The following KCTD1 variants were observed in gnomAD, a reference collection of about 807,000 sequenced individuals.
KCTD1 encodes the protein potassium channel tetramerization domain containing 1, also known as BTB/POZ domain-containing protein KCTD1.
A neutral mutation model predicts 66.0 loss-of-function variants in KCTD1; 24 were observed. That is an observed-to-expected ratio of 0.36 (90% CI 0.26 to 0.51). The LOEUF is 0.51. Among genes scored for constraint, KCTD1 ranks in the 20% least tolerant of loss-of-function variants. The pLI is 0.95. For synonymous variants in KCTD1, 511 were observed against 517.2 expected (o/e 0.99, Z 0.16); for missense variants, 943 against 1,205.2 (o/e 0.78, Z 3.22).
intron 1 of KCTD1, among the ~76,000 whole-genome samples, chr18:26,508,988 C>T (rs935283374): frequency 1.5e-4 from 23 of 152,142 alleles, no homozygotes; most frequent in African/African-American, 5.1e-4. Flanking sequence ...GTCTCTCAAC[C>T]ATAACATCAA....
At chr18:26,552,498 T>A (rs1985598103), upstream of KCTD1, among the ~76,000 whole-genome samples, 1 of 152,170 alleles carries the variant, frequency 6.6e-6, no homozygotes, top group Non-Finnish European at 1.5e-5. Context: ...TTGTGAAAAA[T>A]TAAAAATAAC....
intron 1 of KCTD1, among the ~76,000 whole-genome samples, chr18:26,593,631 T>G (rs376819591): frequency 0.037 from 1,054 of 28,108 alleles, 11 homozygotes; most frequent in Middle Eastern, 0.048. Flanking sequence ...AGGAGGAAGA[T>G]GAGGAGGAAG....
At chr18:26,509,606 A>G (rs117730523) in intron 1 of KCTD1, among the ~76,000 whole-genome samples, 1 of 152,284 alleles carries the variant, frequency 6.6e-6, no homozygotes, top group Non-Finnish European at 1.5e-5. Flanking sequence ...CGCTAAAATC[A>G]TCTAAAATTA....
At chr18:26,478,384 T>C (rs892182086) in intron 2 of KCTD1, among the ~76,000 whole-genome samples, 4 of 152,314 alleles carry the variant, frequency 2.6e-5, no homozygotes, top group East Asian at 1.9e-4. Context: ...CTTACAACGA[T>C]TGGAATGAAA....
chr18:26,626,027 G>C (rs887379299), intron 1 of KCTD1, among the ~76,000 whole-genome samples: 4 of 152,054 alleles, frequency 2.6e-5, no homozygotes, highest in Non-Finnish European at 5.9e-5. Flanking sequence ...GTGAAGCCTG[G>C]AACTGCTCTG....
intron 3 of KCTD1, 24 bp from the exon 4 acceptor site, chr18:26,459,949 C>T (rs1191684021): frequency 1.3e-6 from 2 of 1,519,630 alleles, no homozygotes; most frequent in South Asian, 2.6e-5. Flanking sequence ...AGGTATTTCA[C>T]AGTGCAAACT....
chr18:26,644,699 C>G (rs147475872), upstream of KCTD1, among the ~76,000 whole-genome samples: 1 of 150,632 alleles, frequency 6.6e-6, no homozygotes, highest in Non-Finnish European at 1.5e-5. Context: ...TGGAGGTTGC[C>G]GTGAGCTGAG....
chr18:26,465,329 T>C (rs1392342162), intron 3 of KCTD1, among the ~76,000 whole-genome samples: 3 of 152,102 alleles, frequency 2.0e-5, no homozygotes, highest in African/African-American at 7.2e-5. Flanking sequence ...GGTGATCTGC[T>C]CACCTCAGCC....
intron 1 of KCTD1, among the ~76,000 whole-genome samples, chr18:26,650,686 C>T (rs1418400923): frequency 6.6e-6 from 1 of 152,162 alleles, no homozygotes; most frequent in African/African-American, 2.4e-5. Flanking sequence ...GGATCAGTAC[C>T]ATGGACCAAT....
chr18:26,459,833 A>G lies in KCTD1; in HGVS notation c.2226T>C (p.Gly742=), dbSNP rs770368527. ...MERWKQDRET[G]RFSRPCECLV... is the part of the protein sequence containing the mutation. ...GGCACTCACAGGGCCTTGAAAATCG[A>G]CCAGTTTCTCTGTCCTGCTTCCATC... is the stretch of plus-strand genomic sequence containing the variant. Residue 742 remains glycine, a synonymous_variant, in exon 4 of 5, where the codon GGT becomes GGC. Coordinates refer to ENST00000580059, the MANE Select transcript of KCTD1 (RefSeq NM_001142730.3). 6.2e-7 allele frequency: 1 copy of G among 1,614,066 alleles called. No homozygotes were observed. The highest frequency in any genetic ancestry group is 8.5e-7 in the Non-Finnish European group (1 of 1,180,002).
In KCTD1 at chr18:26,479,427, G is replaced by T. The variant is rs1981517213; in HGVS notation, c.1989-2768C>A. Reference sequence around the variant, plus strand: ...GGTGAAACCGCAGACCCCCCGCCAGGCCGTGGGAACGCTGGCGGCCAGCTC... The same window carrying T: ...GGTGAAACCGCAGACCCCCCGCCAGTCCGTGGGAACGCTGGCGGCCAGCTC... On this transcript the variant is annotated intron_variant, in intron 2 of 4. Transcript: ENST00000580059. Among the ~76,000 whole-genome samples the T allele has an allele frequency of 2.0e-5, 3 of 152,252 alleles. No homozygotes were observed. The South Asian group carries it at 6.2e-4, about 32-fold the overall frequency.
chr18:26,577,976 T>G (rs896569007), intron 1 of KCTD1, among the ~76,000 whole-genome samples: 3 of 152,144 alleles, frequency 2.0e-5, no homozygotes, highest in Admixed American at 1.3e-4. Flanking sequence ...TGAAGATGAT[T>G]ATTTCTGGGC....
rs1567990028 is a variant in KCTD1, at chr18:26,548,445, C to T, written c.92G>A (p.Arg31Gln). The T allele has an allele frequency of 7.3e-7, 1 of 1,361,068 alleles. No individual in the cohort carries two copies. Among genetic ancestry groups the T allele is most frequent in the Non-Finnish European group, 9.4e-7 (1 of 1,060,898 alleles). The allele number at this position is 1,361,068 out of a possible 1,614,324, so 84.3% of individuals were successfully genotyped here. A position where few individuals can be genotyped will look rare whatever the true frequency, so the allele number is the denominator to read the frequency against. ...CCCCGCGCCGCGCTCGCCCTCGCCC[C>T]GCTCCCCATTGTTCTCGGCGGCGGC... ...AAAAAENNGE[R>Q]GEGERGAGGR... The change falls in exon 1 of 5, where the codon CGG becomes CAG. Residue 31 changes from arginine to glutamine, a missense_variant. Around this residue, in one of 10 missense-constraint regions of KCTD1, gnomAD observed 236 missense variants for 206.6 expected, o/e 1.14. Transcript: ENST00000580059.
At chr18:26,526,569 A>G (rs977221447) in intron 1 of KCTD1, among the ~76,000 whole-genome samples, 3 of 152,152 alleles carry the variant, frequency 2.0e-5, no homozygotes, top group Non-Finnish European at 4.4e-5. Flanking sequence ...TAGCCAAGAG[A>G]AAGATGCTAG....
At chr18:26,487,733 G>T (rs1981988800) in intron 2 of KCTD1, among the ~76,000 whole-genome samples, 1 of 152,112 alleles carries the variant, frequency 6.6e-6, no homozygotes, top group African/African-American at 2.4e-5. Flanking sequence ...GCTTAGTCGT[G>T]GTTTATCATA....
At chr18:26,487,042 C>G (rs1162418994) in intron 2 of KCTD1, among the ~76,000 whole-genome samples, 1 of 152,196 alleles carries the variant, frequency 6.6e-6, no homozygotes, top group African/African-American at 2.4e-5. Flanking sequence ...AAGCAAGTAA[C>G]TGAATCTACC....
At chr18:26,465,530 T>C (rs990765828) in intron 3 of KCTD1, among the ~76,000 whole-genome samples, 1 of 152,138 alleles carries the variant, frequency 6.6e-6, no homozygotes, top group Admixed American at 6.5e-5. Flanking sequence ...TTTTCCTGGG[T>C]CAAGGATACC....
chr18:26,618,227 C>T (rs948106423), intron 1 of KCTD1, among the ~76,000 whole-genome samples: 1 of 152,144 alleles, frequency 6.6e-6, no homozygotes, highest in Non-Finnish European at 1.5e-5. Context: ...GTTATGCAGA[C>T]TCAGTGGGAA....
rs191107753 is a variant in KCTD1, at chr18:26,469,610, T to C, written c.2133+6905A>G. On this transcript the variant is annotated intron_variant, in intron 3 of 4. Coordinates refer to ENST00000580059, the MANE Select transcript of KCTD1 (RefSeq NM_001142730.3). Reference sequence around the variant, plus strand: ...CTGCAGCCTGCATCCTTTTCAATAATGGGAATTATAAATTAATATTATTCT... The same window carrying C: ...CTGCAGCCTGCATCCTTTTCAATAACGGGAATTATAAATTAATATTATTCT... Among the ~76,000 whole-genome samples, 7 of 152,344 alleles carry C rather than the reference T, an allele frequency of 4.6e-5. No individual in the cohort carries two copies. The East Asian group carries it at 1.3e-3, about 29-fold the overall frequency.
Sources: allele counts gnomAD v4.1 joint callset (sites outside exome capture counted in the v4.1 genomes callset), GRCh38; gene constraint gnomAD v4.1.1; regional missense constraint gnomAD v4.1.1; transcripts MANE v1.5; gene names NCBI Gene and HGNC (gene_info 2026-07-23, HGNC 2026-07-21).